Variants in CCND3 observed in about 807,000 individuals in gnomAD.
CCND3 encodes G1/S-specific cyclin-D3.
A neutral mutation model predicts 28.7 loss-of-function variants in CCND3; 9 were observed. That is an observed-to-expected ratio of 0.31 (90% confidence interval 0.19 to 0.55). CCND3 has a LOEUF of 0.55. CCND3 is among the 20% of genes least tolerant of loss of function. CCND3 has a pLI of 0.93. For missense variants in CCND3, 315 were observed against 385.8 expected (o/e 0.82, Z 1.54); for synonymous variants, 164 against 163.9 (o/e 1.00, Z 0.00).
intron 1 of CCND3, among the ~76,000 whole-genome samples, chr6:42,045,282 A>G (rs9381126): frequency 0.074 from 11,193 of 152,180 alleles, 472 homozygotes; most frequent in East Asian, 0.1. Context: ...AAGAGCCTAG[A>G]CTTTGAAATC....
intron 1 of CCND3, among the ~76,000 whole-genome samples, chr6:42,015,291 G>A (rs1763466126): frequency 6.6e-6 from 1 of 152,148 alleles, no homozygotes; most frequent in Admixed American, 6.6e-5. Flanking sequence ...CTGAGTGAGT[G>A]GTGGGGGCTG....
chr6:41,988,262 TG>T (rs1270218501), intron 1 of CCND3, among the ~76,000 whole-genome samples: 1 of 152,034 alleles, frequency 6.6e-6, no homozygotes, highest in African/African-American at 2.4e-5. Context: ...GCTGAGATCG[TG>T]CCATTGCACT....
At position 41,949,463 on chromosome 6, in the gene CCND3, C is replaced by T. The variant is rs534320645; in HGVS notation, c.-45-8878G>A. ...GAGGTTGCAGTGAGCCGAGATCGTG[C>T]CACTGCACTCCAGCCCGGGGGACAG... On this transcript the variant is annotated intron_variant, in intron 1 of 4. Transcript: ENST00000372988. Among the ~76,000 whole-genome samples the T allele has an allele frequency of 2.0e-5, 3 of 152,270 alleles. No individual in the cohort carries two copies. In the East Asian group the frequency reaches 5.8e-4, roughly 29 times the overall value.
At chr6:42,000,524 G>C (rs1270822293) in intron 1 of CCND3, among the ~76,000 whole-genome samples, 1 of 140,456 alleles carries the variant, frequency 7.1e-6, no homozygotes, top group African/African-American at 2.6e-5. Flanking sequence ...CACCGCGCCC[G>C]GCCTGAAAAC....
chr6:41,942,913 C>G (rs1776077366), upstream of CCND3, among the ~76,000 whole-genome samples: 1 of 119,792 alleles, frequency 8.3e-6, no homozygotes, highest in Admixed American at 1.1e-4. Context: ...AAGTCTCACT[C>G]TGTTGCTCAA....
intron 1 of CCND3, among the ~76,000 whole-genome samples, chr6:41,999,428 C>T (rs1016791505): frequency 6.6e-6 from 1 of 151,716 alleles, no homozygotes; most frequent in Non-Finnish European, 1.5e-5. Flanking sequence ...TTTGTATTTT[C>T]AGTAGAGATG....
intron 1 of CCND3, among the ~76,000 whole-genome samples, chr6:41,994,002 T>C (rs1762728878): frequency 6.8e-6 from 1 of 146,680 alleles, no homozygotes; most frequent in Non-Finnish European, 1.5e-5. Context: ...AAAACTTAAG[T>C]GGATATTACT....
At chr6:42,040,882 A>C (rs1294921208) in intron 1 of CCND3, among the ~76,000 whole-genome samples, 1 of 152,032 alleles carries the variant, frequency 6.6e-6, no homozygotes, top group East Asian at 1.9e-4. Context: ...AAAAAAACAA[A>C]AAAAAAAACC....
chr6:41,964,608 A>G (rs1761833182), intron 1 of CCND3, among the ~76,000 whole-genome samples: 1 of 152,104 alleles, frequency 6.6e-6, no homozygotes, highest in Non-Finnish European at 1.5e-5. Flanking sequence ...CCTGAGTGGG[A>G]ACTAACTAGG....
At chr6:41,944,891 C>G (rs1248212277), upstream of CCND3, among the ~76,000 whole-genome samples, 2 of 152,122 alleles carry the variant, frequency 1.3e-5, no homozygotes, top group African/African-American at 4.8e-5. Context: ...CTAGATCATC[C>G]CTGACTTTCA....
chr6:41,949,484 G>C (rs75580691), intron 1 of CCND3, among the ~76,000 whole-genome samples: 1 of 151,722 alleles, frequency 6.6e-6, no homozygotes, highest in Non-Finnish European at 1.5e-5. Context: ...CAGCCCGGGG[G>C]ACAGAATGAA....
intron 1 of CCND3, among the ~76,000 whole-genome samples, chr6:42,015,781 G>A (rs4714549): frequency 1.3e-5 from 2 of 151,876 alleles, no homozygotes; most frequent in African/African-American, 4.8e-5. Flanking sequence ...TGTGTACAAT[G>A]TGATATTTTG....
intron 1 of CCND3, among the ~76,000 whole-genome samples, chr6:42,042,292 G>T (rs1764389938): frequency 6.6e-6 from 1 of 152,026 alleles, no homozygotes; most frequent in Admixed American, 6.6e-5. Context: ...AGGACGTATG[G>T]CCTGCCCACC....
chr6:41,937,223 T>C lies in CCND3; in HGVS notation c.574+12A>G. On this transcript the variant is annotated intron_variant, in intron 3 of 4. Coordinates refer to ENST00000372991, the MANE Select transcript of CCND3 (RefSeq NM_001760.5). ...TTTTCCAATTTGGCAAAAATGTGCA[T>C]AGGGCTCTTACCTGTAGCACAGAGG... 6.2e-7 allele frequency: 1 copy of C among 1,614,108 alleles called. No homozygotes were observed. Among genetic ancestry groups the C allele is most frequent in the Non-Finnish European group, 8.5e-7 (1 of 1,179,958 alleles).
At chr6:41,986,905 C>T (rs1762494452) in intron 1 of CCND3, among the ~76,000 whole-genome samples, 2 of 152,014 alleles carry the variant, frequency 1.3e-5, no homozygotes, top group Non-Finnish European at 2.9e-5. Context: ...CAGGCCCATA[C>T]TTGCATGATT....
At position 42,014,121 on chromosome 6, in the gene CCND3, G is replaced by A. The variant is rs562989000; in HGVS notation, c.-46+34380C>T. ...TGGCTCATGCCTGTAATCCCAGCAC[G>A]TTGGGAGGCCAAGGCGGGTGGATCA... On this transcript the variant is annotated intron_variant, in intron 1 of 4. Transcript: ENST00000372988. Among the ~76,000 whole-genome samples the A allele has an allele frequency of 3.8e-4, 58 of 150,898 alleles. No individual in the cohort carries two copies. The South Asian group carries it at 8.4e-3, about 22-fold the overall frequency.
At chr6:42,034,603 G>A (rs1385765845) in intron 1 of CCND3, among the ~76,000 whole-genome samples, 10 of 141,162 alleles carry the variant, frequency 7.1e-5, no homozygotes, top group Admixed American at 6.9e-4. Context: ...TCAGCCTCCC[G>A]AGTAGCTGGG....
chr6:41,940,348 G>C, intron 2 of CCND3, 22 bp downstream of exon 2: 1 of 1,584,802 alleles, frequency 6.3e-7, no homozygotes, highest in Non-Finnish European at 8.7e-7. Context: ...CGTGTCGGGG[G>C]TGGGGGGAGT....
intron 1 of CCND3, among the ~76,000 whole-genome samples, chr6:41,968,281 C>G (rs1026599191): frequency 2.0e-5 from 3 of 152,164 alleles, no homozygotes; most frequent in Non-Finnish European, 4.4e-5. Context: ...ATCTTTATGA[C>G]ATTACCAATA....
Sources: gnomAD v4.1 joint callset for allele counts (sites outside exome capture counted in the v4.1 genomes callset) on GRCh38, gnomAD v4.1.1 for gene constraint, MANE v1.5 for transcripts, NCBI Gene and HGNC (gene_info 2026-07-23, HGNC 2026-07-21) for gene names.